KRABD4: variants seen among roughly 807,000 people sequenced by gnomAD.
The protein encoded by KRABD4 is KRAB domain-containing protein 4.
the KRABD4 span, chrX:46,456,737 G>A: frequency 3.5e-6 from 1 of 287,754 alleles, no homozygotes; most frequent in Non-Finnish European, 6.4e-6. Flanking sequence ...GTGTTGGAAG[G>A]TGTCCACTTT....
chrX:46,472,611 A>T, the KRABD4 span: 6 of 616,262 alleles, frequency 9.7e-6, no homozygotes, highest in African/African-American at 1.4e-4. Context: ...TGGTGGTGGG[A>T]CATGGGGAGG....
At chrX:46,472,468 C>T in the KRABD4 span, 1 of 286,379 alleles carries the variant, frequency 3.5e-6, no homozygotes, top group Non-Finnish European at 6.1e-6. Context: ...TCTGTTCACT[C>T]CCTCACTTTA....
chrX:46,451,556 T>C, the KRABD4 span, among the ~76,000 whole-genome samples: 1 of 112,227 alleles, frequency 8.9e-6, no homozygotes, highest in South Asian at 3.7e-4. Context: ...TGTATCTACT[T>C]GCTCTGTAGT....
the KRABD4 span, among the ~76,000 whole-genome samples, chrX:46,452,397 T>C: frequency 1.8e-3 from 198 of 110,238 alleles, 4 homozygotes; most frequent in South Asian, 0.033. Context: ...GTTGCTTTCC[T>C]GTGCATTGTA....
chrX:46,471,323 T>C, the KRABD4 span: 1 of 711,751 alleles, frequency 1.4e-6, no homozygotes, highest in Non-Finnish European at 2.0e-6. Flanking sequence ...TCCAGCTTTC[T>C]TTTGGTTAGG....
chrX:46,457,733 T>G, the KRABD4 span, among the ~76,000 whole-genome samples: 1 of 14,181 alleles, frequency 7.1e-5, no homozygotes, highest in Non-Finnish European at 1.2e-4. Flanking sequence ...GTTTTTGTTT[T>G]TTGTTTGTTT....
chrX:46,447,607 G>A, the KRABD4 span, among the ~76,000 whole-genome samples: 1 of 45,197 alleles, frequency 2.2e-5, no homozygotes, highest in African/African-American at 1.1e-4. Context: ...CAGGGCCAGC[G>A]AGTGACTGAT....
the KRABD4 span, chrX:46,462,886 T>C: frequency 3.3e-4 from 405 of 1,209,523 alleles, 3 homozygotes; most frequent in East Asian, 1.7e-3. Context: ...TGAGGGACCG[T>C]GCCACAGGGT....
At chrX:46,450,705 C>CTTT in the KRABD4 span, among the ~76,000 whole-genome samples, 6 of 88,426 alleles carry the variant, frequency 6.8e-5, no homozygotes, top group Admixed American at 1.3e-4. Flanking sequence ...TTTTCTTTCT[C>CTTT]TTTTTTTTTT....
At chrX:46,458,283 C>T in the KRABD4 span, among the ~76,000 whole-genome samples, 5 of 111,962 alleles carry the variant, frequency 4.5e-5, no homozygotes, top group African/African-American at 1.6e-4. Flanking sequence ...GATAATAGTA[C>T]AGTCAAGTAT....
the KRABD4 span, chrX:46,454,975 T>C: frequency 1.1e-5 from 3 of 270,197 alleles, no homozygotes; most frequent in Non-Finnish European, 2.0e-5. Flanking sequence ...ACACCCCTGC[T>C]CTAGAGAGTC....
At chrX:46,463,469 G>A in the KRABD4 span, 3 of 522,254 alleles carry the variant, frequency 5.7e-6, no homozygotes, top group Non-Finnish European at 1.0e-5. Context: ...CTGGCCGCCG[G>A]TTACAGTCTC....
the KRABD4 span, among the ~76,000 whole-genome samples, chrX:46,471,355 C>G: frequency 4.5e-5 from 5 of 111,121 alleles, no homozygotes; most frequent in South Asian, 3.8e-4. Context: ...TATCTCCATC[C>G]CTTTACACAT....
the KRABD4 span, chrX:46,474,045 T>C: frequency 8.9e-6 from 1 of 112,863 alleles, no homozygotes; most frequent in Non-Finnish European, 1.9e-5. Context: ...TTGACTGTCA[T>C]GGGATTGCAG....
the KRABD4 span, chrX:46,462,300 A>G: frequency 6.8e-6 from 1 of 146,335 alleles, no homozygotes; most frequent in East Asian, 1.6e-4. Context: ...TCACAAGGTC[A>G]GGAGTTCGAG....
the KRABD4 span, among the ~76,000 whole-genome samples, chrX:46,458,944 T>G: frequency 1.8e-5 from 2 of 111,629 alleles, no homozygotes; most frequent in Non-Finnish European, 3.8e-5. Flanking sequence ...GGAACTGTTA[T>G]GATAAAAATT....
At chrX:46,452,032 G>A in the KRABD4 span, among the ~76,000 whole-genome samples, 5 of 111,722 alleles carry the variant, frequency 4.5e-5, no homozygotes, top group Non-Finnish European at 7.5e-5. Context: ...TGCAACCTCC[G>A]CCTCCCAGAC....
the KRABD4 span, among the ~76,000 whole-genome samples, chrX:46,452,082 C>A: frequency 5.4e-5 from 6 of 112,015 alleles, no homozygotes; most frequent in African/African-American, 1.9e-4. Context: ...GTAGCTGGGA[C>A]TACAGGCACA....
At chrX:46,463,486 CTTTG>C in the KRABD4 span, 12 of 498,923 alleles carry the variant, frequency 2.4e-5, no homozygotes, top group Non-Finnish European at 3.2e-5. Flanking sequence ...TCTCTGTGTT[CTTTG>C]TTTGGCATTC....
Sources: gnomAD v4.1 joint callset for allele counts (sites outside exome capture counted in the v4.1 genomes callset) on GRCh38, gnomAD v4.1.1 for gene constraint, MANE v1.5 for transcripts, NCBI Gene and HGNC (gene_info 2026-07-23, HGNC 2026-07-21) for gene names.